Variants in ST8SIA1 observed in about 807,000 individuals in gnomAD.
The protein encoded by ST8SIA1 is ST8 alpha-N-acetyl-neuraminide alpha-2,8-sialyltransferase 1, also known as alpha-N-acetylneuraminide alpha-2,8-sialyltransferase.
In ST8SIA1, 16 loss-of-function variants were observed where a neutral mutation model predicts 35.9. The observed-to-expected ratio is 0.45, with a 90% CI of 0.30 to 0.68. The LOEUF is 0.68. ST8SIA1 is among the 30% of genes least tolerant of loss of function. ST8SIA1 has a pLI of 0.09. For missense variants in ST8SIA1, 383 were observed against 453.6 expected, an observed-to-expected ratio of 0.84 and a Z score of 1.41; for synonymous variants, 170 against 169.6, an observed-to-expected ratio of 1.00 and a Z score of -0.02.
At chr12:22,242,348 T>A (rs962522725) in intron 4 of ST8SIA1, among the ~76,000 whole-genome samples, 3 of 152,192 alleles carry the variant, frequency 2.0e-5, no homozygotes, top group African/African-American at 7.2e-5. Context: ...CCATCGTCCA[T>A]CTTTTCTGAC....
chr12:22,243,942 A>G (rs1865570047), intron 4 of ST8SIA1, among the ~76,000 whole-genome samples: 1 of 152,088 alleles, frequency 6.6e-6, no homozygotes, highest in Admixed American at 6.5e-5. Context: ...GAAGCAGGAG[A>G]ATCTCTTGAA....
In ST8SIA1 at chr12:22,276,966, T is replaced by A. The variant is rs574079342; in HGVS notation, c.381+10183A>T. Among the ~76,000 whole-genome samples, 4 of 152,170 alleles carry A rather than the reference T, an allele frequency of 2.6e-5. No homozygotes were observed. The South Asian group carries it at 8.3e-4, about 32-fold the overall frequency. ...CTGGCTTTCCATTCCCTACAAACAC[T>A]AAGTTGATAAAAGAGGCCAAAGCCA... On this transcript the variant is annotated intron_variant, in intron 2 of 4. Coordinates refer to ENST00000396037, the MANE Select transcript of ST8SIA1 (RefSeq NM_003034.4).
At chr12:22,222,812 C>T (rs981424513) in intron 4 of ST8SIA1, among the ~76,000 whole-genome samples, 1 of 152,004 alleles carries the variant, frequency 6.6e-6, no homozygotes, top group African/African-American at 2.4e-5. Flanking sequence ...TATATACACA[C>T]ATATATTTAT....
intron 4 of ST8SIA1, among the ~76,000 whole-genome samples, chr12:22,216,912 C>T (rs1467852944): frequency 6.6e-6 from 1 of 152,216 alleles, no homozygotes; most frequent in East Asian, 1.9e-4. Flanking sequence ...ACTTTGATTG[C>T]CTTCACATTT....
At chr12:22,324,285 T>C (rs1161329083) in intron 1 of ST8SIA1, 1 of 152,088 alleles carries the variant, frequency 6.6e-6, no homozygotes, top group African/African-American at 2.4e-5. Context: ...TTAAAAAGAT[T>C]TTAAAAAAAG....
intron 4 of ST8SIA1, among the ~76,000 whole-genome samples, chr12:22,248,511 GAATAT>G (rs1254655027): frequency 3.3e-5 from 5 of 150,382 alleles, no homozygotes; most frequent in Admixed American, 6.7e-5. Context: ...AAATATGATT[GAATAT>G]AATATAATGT....
At chr12:22,303,848 A>C (rs963947467) in intron 1 of ST8SIA1, among the ~76,000 whole-genome samples, 38 of 102,984 alleles carry the variant, frequency 3.7e-4, no homozygotes, top group African/African-American at 1.3e-3. Flanking sequence ...CCACCCTGCC[A>C]CACACACACA....
At chr12:22,298,255 C>A (rs920520596) in intron 1 of ST8SIA1, among the ~76,000 whole-genome samples, 1 of 152,114 alleles carries the variant, frequency 6.6e-6, no homozygotes, top group African/African-American at 2.4e-5. Context: ...TTAATCGAAC[C>A]CAAGGAGGAG....
intron 4 of ST8SIA1, among the ~76,000 whole-genome samples, chr12:22,237,576 A>G (rs1865489716): frequency 6.6e-6 from 1 of 151,418 alleles, no homozygotes; most frequent in Admixed American, 6.6e-5. Context: ...TGAGCATTTC[A>G]CCATTTATTG....
intron 4 of ST8SIA1, among the ~76,000 whole-genome samples, chr12:22,213,356 G>T (rs544234012): frequency 3.5e-4 from 54 of 152,266 alleles, no homozygotes; most frequent in African/African-American, 1.3e-3. Flanking sequence ...CAGGCAAGAA[G>T]AATTTGTTGG....
intron 2 of ST8SIA1, among the ~76,000 whole-genome samples, chr12:22,273,128 G>A (rs994295514): frequency 1.3e-5 from 2 of 152,066 alleles, no homozygotes; most frequent in Non-Finnish European, 2.9e-5. Context: ...AGATAGACAC[G>A]GGCAGGTCCT....
intron 4 of ST8SIA1, among the ~76,000 whole-genome samples, chr12:22,215,167 C>T (rs1408720888): frequency 1.3e-5 from 2 of 152,140 alleles, no homozygotes; most frequent in African/African-American, 4.8e-5. Context: ...TGAAAACTAA[C>T]ATAACAAACA....
chr12:22,218,494 C>T (rs1198801312), intron 4 of ST8SIA1, among the ~76,000 whole-genome samples: 1 of 136,742 alleles, frequency 7.3e-6, no homozygotes, highest in African/African-American at 2.7e-5. Flanking sequence ...GGCGGGCACC[C>T]ATAATCCCAG....
In ST8SIA1 at chr12:22,249,471, T is replaced by C. The variant is rs371340711; in HGVS notation, c.492-373A>G. ...TCCTGACCTTGTGATCTGCCCGCCT[T>C]GGCCTCCCAAAGTACTGGGATTACA... On this transcript the variant is annotated intron_variant, in intron 3 of 4. Transcript: ENST00000396037. 1.8e-3 allele frequency among the ~76,000 whole-genome samples: 271 copies of C among 152,258 alleles called. 1 individual carries two copies. Among genetic ancestry groups the C allele is most frequent in the African/African-American group, 5.3e-3 (221 of 41,574 alleles).
At chr12:22,289,308 C>CATA (rs1555160358) in intron 1 of ST8SIA1, among the ~76,000 whole-genome samples, 1 of 151,942 alleles carries the variant, frequency 6.6e-6, no homozygotes, top group Non-Finnish European at 1.5e-5. Context: ...TTATTATCAT[C>CATA]ATGATTCCTC....
intron 2 of ST8SIA1, among the ~76,000 whole-genome samples, chr12:22,279,455 T>C (rs1344653612): frequency 6.6e-6 from 1 of 152,192 alleles, no homozygotes; most frequent in African/African-American, 2.4e-5. Context: ...GTGTTCCTGC[T>C]GTGATAAATG....
chr12:22,330,340 G>A (rs766265090), intron 1 of ST8SIA1, among the ~76,000 whole-genome samples: 5 of 152,210 alleles, frequency 3.3e-5, no homozygotes, highest in African/African-American at 4.8e-5. Context: ...CATTCCAGGC[G>A]CTGTCTATAT....
chr12:22,249,956 G>T (rs1460143651), intron 3 of ST8SIA1, among the ~76,000 whole-genome samples: 1 of 152,090 alleles, frequency 6.6e-6, no homozygotes, highest in Non-Finnish European at 1.5e-5. Context: ...TGTCTGACTT[G>T]TGTGTGTGTG....
At chr12:22,218,849 AT>A (rs1865264663) in intron 4 of ST8SIA1, among the ~76,000 whole-genome samples, 1 of 151,768 alleles carries the variant, frequency 6.6e-6, no homozygotes, top group South Asian at 2.1e-4. Context: ...ATAAAATAAA[AT>A]AAAAAAGAAA....
Sources: gnomAD v4.1 joint callset for allele counts (sites outside exome capture counted in the v4.1 genomes callset) on GRCh38, gnomAD v4.1.1 for gene constraint, MANE v1.5 for transcripts, NCBI Gene and HGNC (gene_info 2026-07-23, HGNC 2026-07-21) for gene names.